Variants in WDR59 observed in about 807,000 individuals in gnomAD.
WDR59 encodes GATOR2 complex protein WDR59.
WDR59 carries 100 observed loss-of-function variants against 131.2 expected under a neutral mutation model. That is an observed-to-expected ratio of 0.76 (90% CI 0.65 to 0.90). The LOEUF is 0.90. WDR59 is among the 40% of genes least tolerant of loss of function. The probability of loss-of-function intolerance (pLI) is 0.00; values close to 1 mark genes in which losing one functional copy is unlikely to be tolerated. For synonymous variants in WDR59, 601 were observed against 466.2 expected, an observed-to-expected ratio of 1.29 and a Z score of -3.72; for missense variants, 1,203 against 1,262.2, an observed-to-expected ratio of 0.95 and a Z score of 0.71.
At chr16:74,919,229 G>C (rs2029909472) in intron 10 of WDR59, among the ~76,000 whole-genome samples, 1 of 152,028 alleles carries the variant, frequency 6.6e-6, no homozygotes, top group Non-Finnish European at 1.5e-5. Flanking sequence ...CCTTGCCTTT[G>C]AGGGTTACTT....
chr16:74,942,793 T>C lies in WDR59; in HGVS notation c.479A>G (p.Asn160Ser). 6.2e-7 allele frequency: 1 copy of C among 1,606,990 alleles called. No individual in the cohort carries two copies. Among genetic ancestry groups the C allele is most frequent in the South Asian group, 1.1e-5 (1 of 90,260 alleles). ...ATGGCTGGTGGCAAGGCAGTTAGCA[T>C]TTTTTTTATTCCATTTGACCTGGGA... ...GASQVKWNKK[N>S]ANCLATSHDG... The change falls in exon 7 of 26, where the codon AAT (asparagine) becomes AGT (serine). Residue 160 changes from asparagine (N) to serine (S), a missense_variant. Coordinates refer to ENST00000262144, the MANE Select transcript of WDR59 (RefSeq NM_030581.4).
chr16:74,925,089 A>G (rs963151893), intron 8 of WDR59, among the ~76,000 whole-genome samples: 3 of 152,236 alleles, frequency 2.0e-5, no homozygotes, highest in Admixed American at 2.0e-4. Flanking sequence ...AATGGTCCAA[A>G]TGTCCTTAAA....
At chr16:74,946,148 C>T (rs1257438339) in intron 6 of WDR59, among the ~76,000 whole-genome samples, 3 of 152,148 alleles carry the variant, frequency 2.0e-5, no homozygotes, top group South Asian at 4.1e-4. Flanking sequence ...TACAGTGTTA[C>T]AACTGTTCTA....
chr16:74,876,831 C>G (rs1003886975), intron 25 of WDR59, among the ~76,000 whole-genome samples: 14 of 152,134 alleles, frequency 9.2e-5, no homozygotes, highest in Admixed American at 1.3e-4. Context: ...CGTGCTTCCT[C>G]TCACCACTTC....
intron 10 of WDR59, among the ~76,000 whole-genome samples, chr16:74,920,209 G>A (rs140915154): frequency 4.9e-4 from 74 of 152,160 alleles, no homozygotes; most frequent in Middle Eastern, 6.8e-3. Context: ...CTTTATGATG[G>A]CGTGAAACTG....
rs548922087 is a variant in WDR59, at chr16:74,902,828, G to C, written c.1866+1119C>G. Among the ~76,000 whole-genome samples the C allele has an allele frequency of 2.0e-5, 3 of 152,072 alleles. No individual in the cohort carries two copies. The South Asian group carries it at 6.2e-4, about 32-fold the overall frequency. ...ATGGAAAGGACTTGGAAATGATATA[G>C]ATTAGTGGGTGTTCCAAGGAGGTCT... On this transcript the variant is annotated intron_variant, in intron 18 of 25. Transcript: ENST00000262144.
In WDR59 at chr16:74,905,761, C is replaced by A. The variant is rs576223762; in HGVS notation, c.1713-1661G>T. Among the ~76,000 whole-genome samples, 251 of 151,574 alleles carry A rather than the reference C, an allele frequency of 1.7e-3. 6 individuals are homozygous for A. The South Asian group carries it at 0.05, about 30-fold the overall frequency. ...TAAAAAGTGATAAACTGGACATCAT[C>A]AAAATTAGGACAATTTGTTCATTGA... On this transcript the variant is annotated intron_variant, in intron 17 of 25. Transcript: ENST00000262144.
chr16:74,902,304 C>T (rs1464240491), intron 18 of WDR59, among the ~76,000 whole-genome samples: 6 of 152,170 alleles, frequency 3.9e-5, no homozygotes, highest in African/African-American at 1.4e-4. Flanking sequence ...CTGTGCAGAA[C>T]AGAACACTGG....
chr16:74,932,456 CA>C (rs1597740883), intron 8 of WDR59, among the ~76,000 whole-genome samples: 1 of 150,582 alleles, frequency 6.6e-6, no homozygotes, highest in East Asian at 1.9e-4. Context: ...CACACACACA[CA>C]CACACACACA....
intron 2 of WDR59, among the ~76,000 whole-genome samples, chr16:74,960,248 T>C (rs998333829): frequency 6.6e-6 from 1 of 151,640 alleles, no homozygotes; most frequent in African/African-American, 2.4e-5. Context: ...GCAGAATTGC[T>C]TGAACCCAGG....
At chr16:74,982,750 G>C (rs990538165) in intron 1 of WDR59, among the ~76,000 whole-genome samples, 4 of 152,146 alleles carry the variant, frequency 2.6e-5, no homozygotes, top group Non-Finnish European at 4.4e-5. Flanking sequence ...ACAGTACTTG[G>C]GGGTCCTTAA....
intron 8 of WDR59, 75 bp from the exon 9 acceptor site, chr16:74,924,078 G>C: frequency 7.0e-7 from 1 of 1,424,608 alleles, no homozygotes; most frequent in South Asian, 1.2e-5. Flanking sequence ...CACAGCCTTT[G>C]AACTCATTGC....
chr16:74,938,160 T>C lies in WDR59; in HGVS notation c.641A>G (p.Asn214Ser). ...ATGGGTGCCACTGACCTTCACAGAA[T>C]TGTCTTGACTGGAGGTAGCAAGAAT... ...EHILATSSQD[N>S]SVKFWDYRQP... Residue 214 changes from asparagine (N) to serine (S), a missense_variant, in exon 8 of 26, where the codon AAT (asparagine) becomes AGT (serine). Asn to Ser is a conservative substitution (Grantham distance 46). Transcript: ENST00000262144. 5 of 1,552,558 alleles carry C rather than the reference T, an allele frequency of 3.2e-6. No homozygotes were observed. The highest frequency in any genetic ancestry group is 4.3e-6 in the Non-Finnish European group (5 of 1,150,040).
rs369795735 is a variant in WDR59, at chr16:74,976,792, T to C, written c.54+8172A>G. 1.1e-4 allele frequency among the ~76,000 whole-genome samples: 16 copies of C among 152,160 alleles called. No individual in the cohort carries two copies. In the East Asian group the frequency reaches 2.9e-3, roughly 28 times the overall value. On this transcript the variant is annotated intron_variant, in intron 1 of 25. Transcript: ENST00000262144. ...AAAGAATTTGGGAGGCCATGGTAGG[T>C]GGATCATTTGAGCCCAGGAGTTCGA...
chr16:74,958,136 G>T (rs2033379856), intron 2 of WDR59, among the ~76,000 whole-genome samples: 1 of 152,090 alleles, frequency 6.6e-6, no homozygotes, highest in Non-Finnish European at 1.5e-5. Context: ...GGCAGAAAGT[G>T]GGCACTTCAG....
At chr16:74,948,794 A>G (rs181283744) in intron 5 of WDR59, among the ~76,000 whole-genome samples, 11 of 152,248 alleles carry the variant, frequency 7.2e-5, no homozygotes, top group Non-Finnish European at 1.0e-4. Context: ...CCGAGGTCAG[A>G]GTTCGAGACC....
At chr16:74,951,385 G>GC in intron 4 of WDR59, 73 bp downstream of exon 4, 1 of 1,404,074 alleles carries the variant, frequency 7.1e-7, no homozygotes. Flanking sequence ...AAGGAGGACG[G>GC]CATCATCATT....
At chr16:74,981,632 A>ACG (rs1175684991) in intron 1 of WDR59, among the ~76,000 whole-genome samples, 1 of 5,190 alleles carries the variant, frequency 1.9e-4, no homozygotes, top group African/African-American at 6.3e-4. Context: ...ATATATATAT[A>ACG]TATATATATA....
intron 24 of WDR59, 105 bp from the exon 25 acceptor site, chr16:74,885,900 G>A: frequency 1.4e-6 from 2 of 1,386,166 alleles, no homozygotes; most frequent in South Asian, 1.5e-5. Flanking sequence ...TCCTGGCCAG[G>A]CACGGTGGCT....
Sources: gnomAD v4.1 joint callset for allele counts (sites outside exome capture counted in the v4.1 genomes callset) on GRCh38, gnomAD v4.1.1 for gene constraint, MANE v1.5 for transcripts, NCBI Gene and HGNC (gene_info 2026-07-23, HGNC 2026-07-21) for gene names.